ARFIP1: variants seen among roughly 807,000 people sequenced by gnomAD.
The protein encoded by ARFIP1 is arfaptin-1.
A neutral mutation model predicts 42.5 loss-of-function variants in ARFIP1; 24 were observed. The ratio of observed to expected loss-of-function variants is 0.57; its 90% confidence interval spans 0.41 to 0.80. The LOEUF (loss-of-function observed/expected upper bound fraction) is 0.80, where lower values mean the gene tolerates loss of function less well. Among genes scored for constraint, ARFIP1 ranks in the 30% least tolerant of loss-of-function variants. The pLI is 0.00. For missense variants in ARFIP1, 354 were observed against 434.0 expected, an observed-to-expected ratio of 0.82 and a Z score of 1.64; for synonymous variants, 141 against 153.7, an observed-to-expected ratio of 0.92 and a Z score of 0.61.
At chr4:152,875,377 A>AT (rs533635717) in intron 5 of ARFIP1, among the ~76,000 whole-genome samples, 6 of 101,404 alleles carry the variant, frequency 5.9e-5, no homozygotes, top group South Asian at 6.1e-4. Flanking sequence ...GTCTTTTTTT[A>AT]TAAAAAAAAA....
rs1738778840 is a variant in ARFIP1, at chr4:152,910,719, C to T, written c.*500C>T. ...AAGTTATATGGTGTTCCTGCAGCGT[C>T]CACACAGAGGCAGCAGCTCTAATGA... is the stretch of plus-strand genomic sequence containing the variant. On this transcript the variant is annotated 3_prime_UTR_variant, in exon 9 of 9. Transcript: ENST00000353617. The T allele has an allele frequency of 6.6e-6, 1 of 152,412 alleles. No individual in the cohort carries two copies. Among genetic ancestry groups the T allele is most frequent in the South Asian group, 2.1e-4 (1 of 4,828 alleles). The allele number at this position is 152,412 out of a possible 1,614,324, so 9.4% of individuals were successfully genotyped here.
chr4:152,888,446 T>C (rs551106404), intron 8 of ARFIP1, 139 bp downstream of exon 8: 729 of 602,624 alleles, frequency 1.2e-3, no homozygotes, highest in Non-Finnish European at 1.8e-3. Context: ...TGTTTGAGTT[T>C]TTAGAAGCAT....
intron 1 of ARFIP1, among the ~76,000 whole-genome samples, chr4:152,814,820 T>C (rs550454312): frequency 1.3e-5 from 2 of 152,250 alleles, no homozygotes; most frequent in Admixed American, 1.3e-4. Context: ...AGCTCAAAGC[T>C]AAAAGCCTAG....
intron 8 of ARFIP1, among the ~76,000 whole-genome samples, chr4:152,905,411 A>G (rs1245946323): frequency 6.6e-6 from 1 of 151,536 alleles, no homozygotes; most frequent in Admixed American, 6.6e-5. Flanking sequence ...TTTAATTTGG[A>G]TTTTCCTAAT....
chr4:152,814,227 A>AC (rs1353960313), intron 1 of ARFIP1, among the ~76,000 whole-genome samples: 1 of 151,522 alleles, frequency 6.6e-6, no homozygotes, highest in African/African-American at 2.4e-5. Flanking sequence ...AATAGCTGAG[A>AC]CCACAGGTGC....
At chr4:152,846,572 C>G (rs1319908118) in intron 2 of ARFIP1, among the ~76,000 whole-genome samples, 2 of 152,048 alleles carry the variant, frequency 1.3e-5, no homozygotes, top group African/African-American at 4.8e-5. Flanking sequence ...TTACTTTTCC[C>G]CATTTATTTT....
intron 8 of ARFIP1, among the ~76,000 whole-genome samples, chr4:152,892,127 G>C (rs182031752): frequency 4.1e-4 from 62 of 152,032 alleles, no homozygotes; most frequent in Middle Eastern, 3.4e-3. Flanking sequence ...GGTTAGATTT[G>C]AACTTCTGGA....
chr4:152,875,040 C>A (rs137924116), intron 5 of ARFIP1, among the ~76,000 whole-genome samples: 132 of 152,174 alleles, frequency 8.7e-4, no homozygotes, highest in African/African-American at 2.9e-3. Context: ...CCTTTAATTT[C>A]TTCGGTTTCT....
chr4:152,866,221 G>A (rs1164005998), intron 3 of ARFIP1, among the ~76,000 whole-genome samples: 2 of 152,182 alleles, frequency 1.3e-5, no homozygotes, highest in Non-Finnish European at 2.9e-5. Flanking sequence ...CAAGGCAGAA[G>A]AATTTTTCTT....
chr4:152,878,419 A>G lies in ARFIP1; in HGVS notation c.412-2544A>G, dbSNP rs924747437. Among the ~76,000 whole-genome samples the G allele has an allele frequency of 2.0e-5, 3 of 152,366 alleles. 1 individual carries two copies. The highest frequency in any genetic ancestry group is 1.3e-4 in the Admixed American group (2 of 15,306). Reference sequence around the variant, plus strand: ...ATCCACTGTAGAGATCATCTAAGACACTTCCTCTAGGACCCTGATGAGTTG... The same window carrying G: ...ATCCACTGTAGAGATCATCTAAGACGCTTCCTCTAGGACCCTGATGAGTTG... On this transcript the variant is annotated intron_variant, in intron 5 of 8. Transcript: ENST00000353617.
chr4:152,861,598 A>G (rs1016676669), intron 2 of ARFIP1, among the ~76,000 whole-genome samples: 2 of 151,554 alleles, frequency 1.3e-5, no homozygotes, highest in Non-Finnish European at 2.9e-5. Context: ...TTCAAGTTAT[A>G]TTATACAACA....
At chr4:152,833,683 T>C (rs577740258) in intron 2 of ARFIP1, among the ~76,000 whole-genome samples, 1 of 152,260 alleles carries the variant, frequency 6.6e-6, no homozygotes, top group East Asian at 1.9e-4. Context: ...CAATGCGATA[T>C]CATTCAAGCT....
intron 1 of ARFIP1, among the ~76,000 whole-genome samples, chr4:152,818,217 C>A (rs1193255051): frequency 2.6e-5 from 4 of 152,158 alleles, no homozygotes; most frequent in African/African-American, 7.2e-5. Context: ...AAACTACAGA[C>A]CCTCTGAAAG....
intron 1 of ARFIP1, among the ~76,000 whole-genome samples, chr4:152,792,125 C>T (rs1160492748): frequency 7.9e-5 from 12 of 152,118 alleles, no homozygotes. Flanking sequence ...AGCAAAATCA[C>T]TTTAAAACAA....
chr4:152,882,148 T>G (rs1735893562), intron 6 of ARFIP1, among the ~76,000 whole-genome samples: 1 of 152,188 alleles, frequency 6.6e-6, no homozygotes, highest in South Asian at 2.1e-4. Flanking sequence ...ATGCAGTTTA[T>G]TCAAAAAGAA....
chr4:152,797,666 T>C (rs939686217), intron 1 of ARFIP1, among the ~76,000 whole-genome samples: 1 of 152,230 alleles, frequency 6.6e-6, no homozygotes, highest in African/African-American at 2.4e-5. Flanking sequence ...TTACACATTG[T>C]TTAGTTTATT....
chr4:152,821,803 T>C (rs1024682294), intron 1 of ARFIP1, among the ~76,000 whole-genome samples: 3 of 152,182 alleles, frequency 2.0e-5, no homozygotes, highest in Admixed American at 6.5e-5. Context: ...GCAGAAACCT[T>C]ATAAGCCAGA....
chr4:152,834,294 C>T (rs1036621618), intron 2 of ARFIP1, among the ~76,000 whole-genome samples: 3 of 152,178 alleles, frequency 2.0e-5, no homozygotes, highest in Non-Finnish European at 4.4e-5. Context: ...CCCCCTAAAT[C>T]TCTTGTTCTC....
intron 1 of ARFIP1, among the ~76,000 whole-genome samples, chr4:152,784,980 C>G (rs2149812207): frequency 6.6e-6 from 1 of 152,306 alleles, no homozygotes; most frequent in African/African-American, 2.4e-5. Flanking sequence ...GTGGTAAGCC[C>G]TAAATCTTCC....
Sources: gnomAD v4.1 joint callset for allele counts (sites outside exome capture counted in the v4.1 genomes callset) on GRCh38, gnomAD v4.1.1 for gene constraint, MANE v1.5 for transcripts, NCBI Gene and HGNC (gene_info 2026-07-23, HGNC 2026-07-21) for gene names.